The following PCDH15 variants were observed in gnomAD, a reference collection of about 807,000 sequenced individuals.
The protein encoded by PCDH15 is protocadherin-15.
In PCDH15, 129 loss-of-function variants were observed where a neutral mutation model predicts 178.5. The observed-to-expected ratio is 0.72, with a 90% CI of 0.63 to 0.84. The LOEUF is 0.84. Among genes scored for constraint, PCDH15 ranks in the 40% least tolerant of loss-of-function variants. The pLI, the probability that PCDH15 is intolerant of heterozygous loss-of-function variation, is 0.00. For missense variants in PCDH15, 2,230 were observed against 2,099.9 expected, an observed-to-expected ratio of 1.06 and a Z score of -1.21; for synonymous variants, 800 against 732.0, an observed-to-expected ratio of 1.09 and a Z score of -1.50.
At chr10:54,990,192 G>A (rs1243122691) in intron 2 of PCDH15, among the ~76,000 whole-genome samples, 1 of 152,186 alleles carries the variant, frequency 6.6e-6, no homozygotes, top group Non-Finnish European at 1.5e-5. Context: ...TTGGAGATCT[G>A]TTATGAAAAT....
chr10:54,730,586 G>C (rs191423736), intron 1 of PCDH15, among the ~76,000 whole-genome samples: 1 of 151,426 alleles, frequency 6.6e-6, no homozygotes, highest in African/African-American at 2.4e-5. Context: ...AATCAAAGTA[G>C]AACCCAGATA....
chr10:54,497,736 T>C (rs2080268085), intron 3 of PCDH15, among the ~76,000 whole-genome samples: 1 of 152,022 alleles, frequency 6.6e-6, no homozygotes, highest in Non-Finnish European at 1.5e-5. Flanking sequence ...TTCTAATTAA[T>C]GCAGGCCGAA....
chr10:54,111,813 G>A (rs1213199211), intron 15 of PCDH15, among the ~76,000 whole-genome samples: 1 of 151,896 alleles, frequency 6.6e-6, no homozygotes, highest in Non-Finnish European at 1.5e-5. Context: ...CCTAGTGATT[G>A]CCTATAAAAT....
rs183318164 is a variant in PCDH15, at chr10:54,669,232, G to A, written c.-28-4942C>T. ...TTCAGCATTACCAGATGAATCAGCTGTTCCTTTTTTAAAATGTGTAATATG... is the reference window on the plus strand; with the variant it reads ...TTCAGCATTACCAGATGAATCAGCTATTCCTTTTTTAAAATGTGTAATATG... On this transcript the variant is annotated intron_variant, in intron 1 of 37. Transcript: ENST00000644397. Among the ~76,000 whole-genome samples the A allele has an allele frequency of 1.8e-3, 268 of 152,020 alleles. 2 individuals are homozygous for A. Among genetic ancestry groups the A allele is most frequent in the Non-Finnish European group, 2.9e-3 (194 of 67,970 alleles).
chr10:53,860,094 T>C (rs2079004620), intron 27 of PCDH15, among the ~76,000 whole-genome samples: 1 of 152,204 alleles, frequency 6.6e-6, no homozygotes, highest in Non-Finnish European at 1.5e-5. Flanking sequence ...ATGTGTTTGC[T>C]GGATCACTAA....
At chr10:54,421,828 ATATATATATACACACACAC>A (rs1565230716) in intron 3 of PCDH15, among the ~76,000 whole-genome samples, 40 of 81,262 alleles carry the variant, frequency 4.9e-4, no homozygotes, top group African/African-American at 2.0e-3. Flanking sequence ...ATATATATAT[ATATATATATACACACACAC>A]TATATATATA....
chr10:54,382,949 A>C (rs1565137572), intron 3 of PCDH15, among the ~76,000 whole-genome samples: 1 of 152,160 alleles, frequency 6.6e-6, no homozygotes. Flanking sequence ...GCCGCACACT[A>C]TTAACTAACT....
At chr10:54,326,935 A>C (rs1442005497) in intron 7 of PCDH15, among the ~76,000 whole-genome samples, 2 of 152,086 alleles carry the variant, frequency 1.3e-5, no homozygotes, top group Non-Finnish European at 2.9e-5. Flanking sequence ...AAAAACTGTT[A>C]TTGCATTTAA....
chr10:55,097,303 A>T (rs894122482), intron 2 of PCDH15, among the ~76,000 whole-genome samples: 1 of 152,136 alleles, frequency 6.6e-6, no homozygotes, highest in Admixed American at 6.6e-5. Flanking sequence ...GGTGTTTTCT[A>T]ATCATGCCTG....
At chr10:55,307,131 T>C (rs1843448008) in intron 1 of PCDH15, among the ~76,000 whole-genome samples, 1 of 151,986 alleles carries the variant, frequency 6.6e-6, no homozygotes, top group Non-Finnish European at 1.5e-5. Context: ...ACTTTTATAT[T>C]CTTATTGGAA....
chr10:54,805,510 C>A (rs1038889266), upstream of PCDH15, among the ~76,000 whole-genome samples: 1 of 152,124 alleles, frequency 6.6e-6, no homozygotes. Flanking sequence ...GTCATGATTT[C>A]ATGTTGCATA....
In PCDH15 at chr10:54,762,886, CAT is replaced by C. The variant is rs553957087; in HGVS notation, c.-29+38037_-29+38038del. On this transcript the variant is annotated intron_variant, in intron 1 of 37. Transcript: ENST00000644397. ...TAAAATGAAATACAATTGTGAAACA[CAT>C]ATTTTATATAAAGTATAGTTGCCAA... 5.3e-5 allele frequency among the ~76,000 whole-genome samples: 8 copies of C among 152,248 alleles called. No individual in the cohort carries two copies. The East Asian group carries it at 1.4e-3, about 26-fold the overall frequency.
intron 2 of PCDH15, among the ~76,000 whole-genome samples, chr10:55,009,822 C>G (rs1467349307): frequency 6.6e-6 from 1 of 152,122 alleles, no homozygotes; most frequent in African/African-American, 2.4e-5. Context: ...TAATTGTCTT[C>G]TAATGGGTAA....
intron 2 of PCDH15, among the ~76,000 whole-genome samples, chr10:55,408,254 C>T (rs915623914): frequency 3.3e-5 from 5 of 150,992 alleles, no homozygotes; most frequent in African/African-American, 4.9e-5. Flanking sequence ...GGTGCGATCT[C>T]GGCTCACTGC....
At chr10:54,140,172 T>G (rs1265241062) in intron 14 of PCDH15, among the ~76,000 whole-genome samples, 1 of 151,942 alleles carries the variant, frequency 6.6e-6, no homozygotes, top group Non-Finnish European at 1.5e-5. Context: ...TATAAATTAT[T>G]GTAAAGAAAT....
rs781160904 is a variant in PCDH15 at position 54,236,853 on chromosome 10, T to C, written c.955A>G (p.Arg319Gly). Reference sequence around the variant, plus strand: ...AGGATGGAATAGAGGATTCCTGGCCTATCTGATGGCGGTTGAATATTCCGG... The same window carrying C: ...AGGATGGAATAGAGGATTCCTGGCCCATCTGATGGCGGTTGAATATTCCGG... ...QDRNIQPPSD[R>G]PGILYSILVG... is the part of the protein sequence containing the mutation. Residue 319 changes from arginine (R) to glycine (G), a missense_variant, in exon 9 of 38, where the codon AGG becomes GGG. Coordinates refer to ENST00000644397, the MANE Select transcript of PCDH15 (RefSeq NM_001384140.1). 1 of 1,613,588 alleles carries C rather than the reference T, an allele frequency of 6.2e-7. No individual in the cohort carries two copies. Among genetic ancestry groups the C allele is most frequent in the South Asian group, 1.1e-5 (1 of 91,070 alleles).
At chr10:54,030,213 C>T (rs1036387695) in intron 18 of PCDH15, among the ~76,000 whole-genome samples, 12 of 151,990 alleles carry the variant, frequency 7.9e-5, no homozygotes, top group South Asian at 4.2e-4. Context: ...TCCTTTACAG[C>T]GATTTAAGAG....
At chr10:55,090,061 A>C (rs1333323450) in intron 2 of PCDH15, among the ~76,000 whole-genome samples, 3 of 152,056 alleles carry the variant, frequency 2.0e-5, no homozygotes, top group Non-Finnish European at 4.4e-5. Context: ...AAAAATATTA[A>C]ATATTTTTGA....
chr10:55,024,048 C>T (rs989692542), intron 2 of PCDH15, among the ~76,000 whole-genome samples: 5 of 130,900 alleles, frequency 3.8e-5, no homozygotes, highest in African/African-American at 1.4e-4. Flanking sequence ...TTCTCTGATA[C>T]AGATGTATAT....
Sources: allele counts gnomAD v4.1 joint callset (sites outside exome capture counted in the v4.1 genomes callset), GRCh38; gene constraint gnomAD v4.1.1; transcripts MANE v1.5; gene names NCBI Gene and HGNC (gene_info 2026-07-23, HGNC 2026-07-21).